KRCC1: variants seen among roughly 807,000 people sequenced by gnomAD.
KRCC1 encodes lysine rich coiled-coil 1.
A neutral mutation model predicts 7.4 loss-of-function variants in KRCC1; 3 were observed. The observed-to-expected ratio is 0.40, with a 90% confidence interval of 0.18 to 1.04. KRCC1 has a LOEUF of 1.04. KRCC1 is among the 50% of genes least tolerant of loss of function. The pLI is 0.33. For missense variants in KRCC1, 277 were observed against 300.9 expected, an observed-to-expected ratio of 0.92 and a Z score of 0.59; for synonymous variants, 102 against 101.6, an observed-to-expected ratio of 1.00 and a Z score of -0.02.
At chr2:88,045,831 G>A (rs2104621515) in intron 1 of KRCC1, among the ~76,000 whole-genome samples, 1 of 151,972 alleles carries the variant, frequency 6.6e-6, no homozygotes, top group Middle Eastern at 3.4e-3. Context: ...TTACAGGCAT[G>A]AGACATCATG....
chr2:88,051,862 A>C (rs1673494679), intron 1 of KRCC1, among the ~76,000 whole-genome samples: 1 of 152,252 alleles, frequency 6.6e-6, no homozygotes, highest in Non-Finnish European at 1.5e-5. Context: ...AAAGCTGTAA[A>C]AGAACTGAGT....
chr2:88,054,372 G>T (rs2104633818), intron 1 of KRCC1, among the ~76,000 whole-genome samples: 1 of 152,200 alleles, frequency 6.6e-6, no homozygotes, highest in Admixed American at 6.5e-5. Context: ...CTTTTAAAAG[G>T]CATTTACTAA....
chr2:88,033,796 CA>C (rs1673040848), intron 3 of KRCC1, among the ~76,000 whole-genome samples: 2 of 152,192 alleles, frequency 1.3e-5, no homozygotes, highest in South Asian at 4.1e-4. Context: ...AATAACTTAG[CA>C]GCAGTTTCAT....
chr2:88,042,514 C>T (rs72847766), intron 1 of KRCC1, among the ~76,000 whole-genome samples: 26,909 of 151,440 alleles, frequency 0.18, 2,759 homozygotes, highest in Non-Finnish European at 0.23. Context: ...AACTCCCGGG[C>T]TCAAGTGATC....
intron 3 of KRCC1, among the ~76,000 whole-genome samples, chr2:88,030,336 A>G (rs1278886718): frequency 6.6e-6 from 1 of 151,058 alleles, no homozygotes; most frequent in Non-Finnish European, 1.5e-5. Context: ...CAGTTTTTCA[A>G]ATTTGGAAAT....
intron 1 of KRCC1, among the ~76,000 whole-genome samples, chr2:88,046,782 T>C (rs568336375): frequency 3.5e-4 from 54 of 152,336 alleles, no homozygotes; most frequent in Admixed American, 7.8e-4. Flanking sequence ...TTGATCCTCC[T>C]GCCTCAGCCT....
intron 1 of KRCC1, 44 bp from the exon 2 acceptor site, chr2:88,037,095 T>C (rs1378347239): frequency 1.3e-5 from 2 of 152,130 alleles, no homozygotes; most frequent in Non-Finnish European, 2.9e-5. Flanking sequence ...TATTAAATAG[T>C]TAAGGTAATA....
intron 1 of KRCC1, among the ~76,000 whole-genome samples, chr2:88,047,721 G>A (rs927952733): frequency 1.3e-5 from 2 of 151,886 alleles, no homozygotes; most frequent in African/African-American, 4.8e-5. Flanking sequence ...GTAGAACCGG[G>A]GTTTCACCAT....
intron 1 of KRCC1, among the ~76,000 whole-genome samples, chr2:88,050,347 G>A (rs563639927): frequency 6.6e-6 from 1 of 152,258 alleles, no homozygotes; most frequent in South Asian, 2.1e-4. Flanking sequence ...AGAGCTGGGT[G>A]CGGTGGTTCA....
chr2:88,033,973 T>C (rs1228482693), intron 3 of KRCC1, among the ~76,000 whole-genome samples, 161 bp downstream of exon 3: 1 of 151,870 alleles, frequency 6.6e-6, no homozygotes, highest in Non-Finnish European at 1.5e-5. Flanking sequence ...CAAAATATGG[T>C]ATATTCATAT....
At chr2:88,034,538 T>C (rs922121366) in intron 2 of KRCC1, among the ~76,000 whole-genome samples, 8 of 152,212 alleles carry the variant, frequency 5.3e-5, no homozygotes, top group African/African-American at 1.9e-4. Context: ...TGAAATACAA[T>C]GTGATAGTTC....
chr2:88,037,449 C>T (rs1478370027), intron 1 of KRCC1, among the ~76,000 whole-genome samples: 2 of 152,126 alleles, frequency 1.3e-5, no homozygotes, highest in African/African-American at 4.8e-5. Flanking sequence ...CATGGGGGAA[C>T]CACAAACCAT....
At chr2:88,031,259 AC>A (rs1672985269) in intron 3 of KRCC1, among the ~76,000 whole-genome samples, 1 of 151,946 alleles carries the variant, frequency 6.6e-6, no homozygotes, top group Non-Finnish European at 1.5e-5. Context: ...ATGATCCTGA[AC>A]CCTGTGAAGG....
chr2:88,050,920 CTTGCTTT>C (rs1235009179), intron 1 of KRCC1, among the ~76,000 whole-genome samples: 2 of 73,694 alleles, frequency 2.7e-5, no homozygotes, highest in Non-Finnish European at 6.1e-5. Flanking sequence ...ATCTTCCTTA[CTTGCTTT>C]TTTTTTTTTT....
intron 1 of KRCC1, among the ~76,000 whole-genome samples, chr2:88,047,735 G>A (rs1160693241): frequency 1.3e-5 from 2 of 152,006 alleles, no homozygotes; most frequent in Non-Finnish European, 2.9e-5. Flanking sequence ...TCACCATGTT[G>A]CCCAGGCTGG....
intron 1 of KRCC1, among the ~76,000 whole-genome samples, chr2:88,042,659 G>A (rs1021746011): frequency 3.3e-5 from 5 of 152,064 alleles, no homozygotes; most frequent in Admixed American, 6.6e-5. Flanking sequence ...GGCCTCAAGC[G>A]ATCCTCCTCC....
intron 1 of KRCC1, among the ~76,000 whole-genome samples, chr2:88,040,733 A>C (rs1673193315): frequency 6.6e-6 from 1 of 152,218 alleles, no homozygotes; most frequent in Admixed American, 6.5e-5. Flanking sequence ...GGAATTCATA[A>C]TTTTGTAAAA....
chr2:88,055,665 C>A lies in KRCC1; in HGVS notation c.-330G>T, dbSNP rs1348372645. On this transcript the variant is annotated 5_prime_UTR_variant, in exon 1 of 4. Transcript: ENST00000347055. Reference sequence around the variant, plus strand: ...GGGCGGGCGTCTACAACTACTGTCCCCCGCCCCGCCAACGCCGCCAGCCAG... The same window carrying A: ...GGGCGGGCGTCTACAACTACTGTCCACCGCCCCGCCAACGCCGCCAGCCAG... The A allele has an allele frequency of 6.6e-6, 1 of 152,426 alleles. No individual in the cohort carries two copies. The highest frequency in any genetic ancestry group is 1.5e-5 in the Non-Finnish European group (1 of 68,266). 9.4% of individuals were successfully genotyped at this position (152,426 alleles called of 1,614,324 possible).
Position 88,028,371 on chromosome 2 carries a change from A to G in KRCC1, c.193T>C (p.Ser65Pro). The G allele has an allele frequency of 6.2e-7, 1 of 1,614,116 alleles. No individual in the cohort carries two copies. Residue 65 changes from serine to proline, a missense_variant, in exon 4 of 4, where the codon TCT (serine) becomes CCT (proline). Coordinates refer to ENST00000347055, the MANE Select transcript of KRCC1 (RefSeq NM_016618.3). ...TYRMFDQRLP[S>P]ETIQTYPRSC... is the part of the protein sequence containing the mutation. ...CTTGGGTAGGTCTGGATGGTTTCAG[A>G]TGGGAGTCTCTGGTCAAACATTCTA...
Sources: gnomAD v4.1 joint callset for allele counts (sites outside exome capture counted in the v4.1 genomes callset) on GRCh38, gnomAD v4.1.1 for gene constraint, MANE v1.5 for transcripts, NCBI Gene and HGNC (gene_info 2026-07-23, HGNC 2026-07-21) for gene names.